Variants in SSRP1 observed in about 807,000 individuals in gnomAD.
The protein encoded by SSRP1 is FACT complex subunit SSRP1.
A neutral mutation model predicts 84.4 loss-of-function variants in SSRP1; 21 were observed. The ratio of observed to expected loss-of-function variants is 0.25; its 90% confidence interval spans 0.18 to 0.36. The LOEUF is 0.36. Ranked by LOEUF, SSRP1 falls within the 10% of genes least tolerant of loss-of-function variation. The pLI is 1.00. For missense variants in SSRP1, 519 were observed against 900.8 expected (o/e 0.58, Z 5.43); for synonymous variants, 319 against 318.3 (o/e 1.00, Z -0.02).
At position 57,332,751 on chromosome 11, in the gene SSRP1, A is replaced by C. The variant is rs2230650; in HGVS notation, c.642T>G (p.Tyr214Ter). 6.2e-7 allele frequency: 1 copy of C among 1,613,978 alleles called. No homozygotes were observed. Among genetic ancestry groups the C allele is most frequent in the African/African-American group, 1.3e-5 (1 of 74,920 alleles). The change falls in exon 6 of 17, where the codon TAT (tyrosine) becomes TAG (stop). Residue 214 changes from tyrosine to a stop codon, truncating the protein, a stop_gained. Coordinates refer to ENST00000278412, the MANE Select transcript of SSRP1 (RefSeq NM_003146.3). LOFTEE classifies it high-confidence loss of function. This position sits in a 1 kb window ranked among gnomAD's most constrained non-coding sequence, Gnocchi z 5.5. ...ELQCLTPRGR[Y>*]DIRIYPTFLH... ...GAAAGGTGGGGTAGATCCGAATGTC[A>C]TAACGACCACGAGGAGTCAGACACT...
In SSRP1 at chr11:57,327,832, G is replaced by A. The variant is rs751150412; in HGVS notation, c.1662C>T (p.Tyr554=). The part of the protein sequence containing the change: ...PNAPKRPMSA[Y]MLWLNASREK... ...CTCGGCTGGCATTGAGCCACAGCAT[G>A]TATGCAGACATGGGCCTCTTGGGGG... The change falls in exon 14 of 17, where the codon TAC becomes TAT. Residue 554 remains tyrosine, a synonymous_variant. Transcript: ENST00000278412. The A allele has an allele frequency of 2.8e-5, 45 of 1,614,030 alleles. No individual in the cohort carries two copies. The highest frequency in any genetic ancestry group is 3.5e-5 in the Non-Finnish European group (41 of 1,180,048).
At chr11:57,326,523 GC>G in intron 16 of SSRP1, 45 bp from the exon 17 acceptor site, 1 of 1,612,064 alleles carries the variant, frequency 6.2e-7, no homozygotes, top group Non-Finnish European at 8.5e-7. Context: ...AGTCCTGGGT[GC>G]CCCACCCACT....
At chr11:57,333,217 A>T in intron 4 of SSRP1, 68 bp from the exon 5 acceptor site, 2 of 1,513,820 alleles carry the variant, frequency 1.3e-6, no homozygotes, top group Non-Finnish European at 1.8e-6. Context: ...TATTCCCACC[A>T]AACTGAGTTC....
chr11:57,328,686 A>G (rs1856032211), intron 12 of SSRP1: 1 of 422,368 alleles, frequency 2.4e-6, no homozygotes, highest in South Asian at 2.9e-5. Flanking sequence ...AATGAGCTTC[A>G]GCGGATCTCC....
In SSRP1 at chr11:57,334,384, G is replaced by A. The variant is rs1856161948; in HGVS notation, c.240+79C>T. 4 of 1,531,882 alleles carry A rather than the reference G, an allele frequency of 2.6e-6. No homozygotes were observed. The South Asian group carries it at 4.9e-5, about 19-fold the overall frequency. The allele number at this position is 1,531,882 out of a possible 1,614,324, so 94.9% of individuals were successfully genotyped here. A position where few individuals can be genotyped will look rare whatever the true frequency, so the allele number is the denominator to read the frequency against. On this transcript the variant is annotated intron_variant, in intron 3 of 16. Transcript: ENST00000278412. ...AACTAGCAATCACAGGGTTACATGA[G>A]GAAGGAACCTCGAGTCTCTAGAAGA...
rs1274496677 is a variant in SSRP1 at position 57,335,048 on chromosome 11, C to A, written c.54+20G>T. On this transcript the variant is annotated intron_variant, in intron 2 of 16. Transcript: ENST00000278412. This position sits in a 1 kb window ranked among gnomAD's most constrained non-coding sequence, Gnocchi z 4.6. ...TCCTTCCTTCTCTCTACTTGTATCA[C>A]CTGTCCAAGCCATTCTCACCATGGA... The A allele has an allele frequency of 6.2e-7, 1 of 1,613,702 alleles. No homozygotes were observed. Among genetic ancestry groups the A allele is most frequent in the Non-Finnish European group, 8.5e-7 (1 of 1,179,744 alleles).
Position 57,326,366 on chromosome 11 carries a change from G to T in SSRP1, c.*41C>A. 6.3e-7 allele frequency: 1 copy of T among 1,591,516 alleles called. No individual in the cohort carries two copies. Among genetic ancestry groups the T allele is most frequent in the Non-Finnish European group, 8.6e-7 (1 of 1,160,200 alleles). On this transcript the variant is annotated 3_prime_UTR_variant, in exon 17 of 17. Transcript: ENST00000278412. Reference sequence around the variant, plus strand: ...ACCAAAATATGGGTGGGGAGTCGGGGGGTGTGAGAAGGCAAGCGCAAAGAG... The same window carrying T: ...ACCAAAATATGGGTGGGGAGTCGGGTGGTGTGAGAAGGCAAGCGCAAAGAG...
chr11:57,334,316 A>G (rs541251274), intron 3 of SSRP1, 147 bp downstream of exon 3: 1 of 861,780 alleles, frequency 1.2e-6, no homozygotes, highest in South Asian at 1.7e-5. Context: ...AAAGCCAAAC[A>G]CTGATTGCCT....
At position 57,332,083 on chromosome 11, in the gene SSRP1, A is replaced by G; in HGVS notation, c.1001+69T>C. 6.2e-7 allele frequency: 1 copy of G among 1,605,922 alleles called. No individual in the cohort carries two copies. Among genetic ancestry groups the G allele is most frequent in the Non-Finnish European group, 8.5e-7 (1 of 1,176,970 alleles). On this transcript the variant is annotated intron_variant, in intron 8 of 16. Coordinates refer to ENST00000278412, the MANE Select transcript of SSRP1 (RefSeq NM_003146.3). The surrounding 1 kb of genome is among the most constrained non-coding windows in gnomAD (Gnocchi z 5.5). ...AGGAGGCCGCATTCCCATCTCAGGA[A>G]GGGTTTACCAAGGAGACACGGCATT...
intron 3 of SSRP1, among the ~76,000 whole-genome samples, 172 bp from the exon 4 acceptor site, chr11:57,333,712 C>T (rs1276939547): frequency 6.6e-6 from 1 of 152,232 alleles, no homozygotes; most frequent in African/African-American, 2.4e-5. Flanking sequence ...GAGATTGCTT[C>T]TAGCCACTGG....
intron 12 of SSRP1, 116 bp from the exon 13 acceptor site, chr11:57,328,542 C>T: frequency 1.4e-6 from 2 of 1,418,484 alleles, no homozygotes; most frequent in Non-Finnish European, 1.9e-6. Context: ...GGGAGGAAGA[C>T]CAGAGGACAG....
At chr11:57,328,048 A>C in intron 13 of SSRP1, 166 bp from the exon 14 acceptor site, 3 of 963,064 alleles carry the variant, frequency 3.1e-6, no homozygotes, top group Non-Finnish European at 4.5e-6. Flanking sequence ...CCCCTCTGCA[A>C]TTCAGTGCCT....
chr11:57,334,279 A>G (rs946180830), intron 3 of SSRP1, among the ~76,000 whole-genome samples, 184 bp downstream of exon 3: 1 of 152,268 alleles, frequency 6.6e-6, no homozygotes. Context: ...GTCAAGGCAC[A>G]CAGAAATTCA....
In SSRP1 at chr11:57,331,653, G is replaced by A; in HGVS notation, c.1223+15C>T. 6.2e-7 allele frequency: 1 copy of A among 1,605,436 alleles called. No homozygotes were observed. Among genetic ancestry groups the A allele is most frequent in the Non-Finnish European group, 8.5e-7 (1 of 1,172,226 alleles). ...GGACCAGGATGCCCAGGAAGTGACA[G>A]GTGGAGGTTCTCACCTCTCAATGCT... On this transcript the variant is annotated intron_variant, in intron 9 of 16. Transcript: ENST00000278412.
intron 13 of SSRP1, 167 bp from the exon 14 acceptor site, chr11:57,328,049 T>C (rs552791017): frequency 2.1e-6 from 2 of 959,322 alleles, no homozygotes; most frequent in Admixed American, 2.8e-5. Flanking sequence ...CCCTCTGCAA[T>C]TCAGTGCCTA....
At chr11:57,331,043 T>C in intron 9 of SSRP1, 116 bp from the exon 10 acceptor site, 1 of 1,169,382 alleles carries the variant, frequency 8.6e-7, no homozygotes, top group Non-Finnish European at 1.3e-6. Flanking sequence ...CTCTTGACTA[T>C]GCTACCCAAC....
chr11:57,326,413 A>T lies in SSRP1; in HGVS notation c.2124T>A (p.Asp708Glu). ...PSSEDSASGS[D>E]E is the part of the protein sequence containing the mutation. ...AGAGAACCTTCCTCCGTTTCTACTC[A>T]TCGGATCCTGACGCTGAGTCCTCTG... is the stretch of plus-strand genomic sequence containing the variant. The change falls in exon 17 of 17, where the codon GAT becomes GAA. Residue 708 changes from aspartate to glutamate, a missense_variant. Coordinates refer to ENST00000278412, the MANE Select transcript of SSRP1 (RefSeq NM_003146.3). The T allele has an allele frequency of 6.2e-7, 1 of 1,614,176 alleles. No homozygotes were observed. Among genetic ancestry groups the T allele is most frequent in the Non-Finnish European group, 8.5e-7 (1 of 1,180,020 alleles).
intron 16 of SSRP1, 45 bp from the exon 17 acceptor site, chr11:57,326,523 G>T: frequency 6.2e-7 from 1 of 1,612,064 alleles, no homozygotes; most frequent in Non-Finnish European, 8.5e-7. Context: ...AGTCCTGGGT[G>T]CCCCACCCAC....
chr11:57,331,881 C>G lies in SSRP1; in HGVS notation c.1010G>C (p.Gly337Ala). 6.2e-7 allele frequency: 1 copy of G among 1,611,232 alleles called. No individual in the cohort carries two copies. Among genetic ancestry groups the G allele is most frequent in the Non-Finnish European group, 8.5e-7 (1 of 1,178,844 alleles). ...GTAGGAACAGGTAATGCACTGGGCCCCTGAGTGCCTGACAGAGGGTGCAGG... is the reference window on the plus strand; with the variant it reads ...GTAGGAACAGGTAATGCACTGGGCCGCTGAGTGCCTGACAGAGGGTGCAGG... ...TVPGNFQGHS[G>A]AQCITCSYKA... The change falls in exon 9 of 17, where the codon GGG becomes GCG. Residue 337 changes from glycine to alanine, a missense_variant. Coordinates refer to ENST00000278412, the MANE Select transcript of SSRP1 (RefSeq NM_003146.3).
Sources: allele counts gnomAD v4.1 joint callset (sites outside exome capture counted in the v4.1 genomes callset), GRCh38; gene constraint gnomAD v4.1.1; non-coding constraint Gnocchi (gnomAD v3.1); transcripts MANE v1.5; gene names NCBI Gene and HGNC (gene_info 2026-07-23, HGNC 2026-07-21).